The following TIAM2 variants were observed in gnomAD, a reference collection of about 807,000 sequenced individuals.
TIAM2 encodes the protein rho guanine nucleotide exchange factor TIAM2.
Under a neutral mutation model 152.9 loss-of-function variants are expected in TIAM2, and 80 were observed. The ratio of observed to expected loss-of-function variants is 0.52; its 90% confidence interval spans 0.44 to 0.63. TIAM2 has a LOEUF of 0.63. Among genes scored for constraint, TIAM2 ranks in the 30% least tolerant of loss-of-function variants. The probability of loss-of-function intolerance (pLI) is 0.00; values close to 1 mark genes in which losing one functional copy is unlikely to be tolerated. For synonymous variants in TIAM2, 804 were observed against 838.0 expected, an observed-to-expected ratio of 0.96 and a Z score of 0.70; for missense variants, 1,965 against 2,120.1, an observed-to-expected ratio of 0.93 and a Z score of 1.44.
At chr6:155,025,417 G>A (rs569558838) in intron 1 of TIAM2, among the ~76,000 whole-genome samples, 3 of 151,944 alleles carry the variant, frequency 2.0e-5, no homozygotes, top group South Asian at 2.1e-4. Context: ...TCCTGACCTC[G>A]TGATCTGCCC....
chr6:155,221,428 G>T (rs1256756144), intron 15 of TIAM2, among the ~76,000 whole-genome samples: 1 of 152,218 alleles, frequency 6.6e-6, no homozygotes, highest in Non-Finnish European at 1.5e-5. Context: ...GAGCAGAGAT[G>T]CTGATCTTCA....
In TIAM2 at chr6:155,101,912, T is replaced by C. The variant is rs1730914337; in HGVS notation, c.-118+11533T>C. On this transcript the variant is annotated intron_variant, in intron 2 of 26. Transcript: ENST00000682666. ...AGAGATGCGGTTTCACCATGTTGGC[T>C]AGGATGGTCTTGATCTCCTGACCTC... 2.0e-5 allele frequency among the ~76,000 whole-genome samples: 3 copies of C among 152,072 alleles called. No homozygotes were observed. In the South Asian group the frequency reaches 6.2e-4, roughly 31 times the overall value.
At position 155,018,215 on chromosome 6, in the gene TIAM2, G is replaced by A. The variant is rs1014440275; in HGVS notation, c.-209+22723G>A. Among the ~76,000 whole-genome samples, 17 of 138,328 alleles carry A rather than the reference G, an allele frequency of 1.2e-4. 1 individual carries two copies. The highest frequency in any genetic ancestry group is 5.5e-4 in the Admixed American group (7 of 12,752). 90.7% of individuals were successfully genotyped at this position (138,328 alleles called of 152,430 possible). A position where few individuals can be genotyped will look rare whatever the true frequency, so the allele number is the denominator to read the frequency against. On this transcript the variant is annotated intron_variant, in intron 1 of 26. Transcript: ENST00000682666. ...TTCCTGCCACTGCACTCCAGCCTGG[G>A]CAACAGAGTGAGACTGTCTCGAAAA...
chr6:155,178,822 G>A (rs1323526614), intron 10 of TIAM2, among the ~76,000 whole-genome samples: 4 of 152,052 alleles, frequency 2.6e-5, no homozygotes, highest in East Asian at 1.9e-4. Flanking sequence ...TGATCCACCC[G>A]CCTTGGCCTC....
chr6:155,251,842 C>G, intron 22 of TIAM2, 103 bp from the exon 23 acceptor site: 1 of 861,494 alleles, frequency 1.2e-6, no homozygotes, highest in Non-Finnish European at 1.8e-6. Context: ...CTTAGAGACT[C>G]ATACGTTTGG....
In TIAM2 at chr6:155,174,031, G is replaced by A. The variant is rs1313247857; in HGVS notation, c.2362-2785G>A. Among the ~76,000 whole-genome samples the A allele has an allele frequency of 6.6e-6, 1 of 152,210 alleles. No individual in the cohort carries two copies. Among genetic ancestry groups the A allele is most frequent in the Non-Finnish European group, 1.5e-5 (1 of 68,042 alleles). ...TGGGGAATGTTCCCTGAGCCATTCT[G>A]TTCAATGGGAACATGGTGTGTGGCT... On this transcript the variant is annotated intron_variant, in intron 9 of 26. Transcript: ENST00000682666. The surrounding 1 kb of genome is among the most constrained non-coding windows in gnomAD (Gnocchi z 4.2).
chr6:155,168,074 A>G (rs1457430124), intron 9 of TIAM2, among the ~76,000 whole-genome samples: 1 of 152,210 alleles, frequency 6.6e-6, no homozygotes, highest in African/African-American at 2.4e-5. Flanking sequence ...GTCAGTATTT[A>G]TATAACTGAA....
At chr6:155,077,445 T>C (rs550635529) in intron 1 of TIAM2, among the ~76,000 whole-genome samples, 33 of 152,318 alleles carry the variant, frequency 2.2e-4, no homozygotes, top group Non-Finnish European at 4.6e-4. Flanking sequence ...ACGTAAAATT[T>C]ACTCACTCAG....
At position 155,016,900 on chromosome 6, in the gene TIAM2, AAAATAAAAATCAAT is replaced by A. The variant is rs1296073711; in HGVS notation, c.-209+21431_-209+21444del. Among the ~76,000 whole-genome samples, 63 of 152,364 alleles carry A rather than the reference AAAATAAAAATCAAT, an allele frequency of 4.1e-4. No homozygotes were observed. In the Middle Eastern group the frequency reaches 0.014, roughly 33 times the overall value. The stretch of plus-strand genomic sequence containing the variant: ...GGGTGATAGAGCGAGACTCCATCTC[AAAATAAAAATCAAT>A]AAATAAAAATCAATAAATAAAATAA... On this transcript the variant is annotated intron_variant, in intron 1 of 26. Coordinates refer to ENST00000682666, the MANE Select transcript of TIAM2 (RefSeq NM_012454.4).
Position 155,213,254 on chromosome 6 carries a change from C to A in TIAM2, c.3168+1947C>A, listed in dbSNP as rs1468289478. Among the ~76,000 whole-genome samples, 1 of 152,162 alleles carries A rather than the reference C, an allele frequency of 6.6e-6. No individual in the cohort carries two copies. The highest frequency in any genetic ancestry group is 1.5e-5 in the Non-Finnish European group (1 of 68,026). ...GGAGGGTGAGCAAGGTGAAGAGGAG[C>A]TTTATTGAGCTGTAGAACAGCTCAG... On this transcript the variant is annotated intron_variant, in intron 15 of 26. Coordinates refer to ENST00000682666, the MANE Select transcript of TIAM2 (RefSeq NM_012454.4). This position sits in a 1 kb window ranked among gnomAD's most constrained non-coding sequence, Gnocchi z 4.2.
At position 155,214,233 on chromosome 6, in the gene TIAM2, C is replaced by T. The variant is rs911043756; in HGVS notation, c.3168+2926C>T. On this transcript the variant is annotated intron_variant, in intron 15 of 26. Transcript: ENST00000682666. This position sits in a 1 kb window ranked among gnomAD's most constrained non-coding sequence, Gnocchi z 5.4. ...CGCACAGCGCTGGCCGTGCCTCCCC[C>T]GGTGCAGCCGGCATCATCGCAGTGA... Among the ~76,000 whole-genome samples the T allele has an allele frequency of 1.3e-5, 2 of 152,234 alleles. No individual in the cohort carries two copies. Among genetic ancestry groups the T allele is most frequent in the African/African-American group, 2.4e-5 (1 of 41,466 alleles).
chr6:155,026,487 TATC>T (rs1320136876), intron 1 of TIAM2, among the ~76,000 whole-genome samples: 2 of 152,228 alleles, frequency 1.3e-5, no homozygotes, highest in Admixed American at 6.5e-5. Flanking sequence ...CACTGTGGTT[TATC>T]ATCATGTTTC....
intron 2 of TIAM2, among the ~76,000 whole-genome samples, chr6:155,100,050 C>T (rs1224189193): frequency 1.6e-5 from 1 of 61,594 alleles, no homozygotes; most frequent in African/African-American, 5.2e-5. Flanking sequence ...TGCAGTCTGT[C>T]GTCGGCTATT....
intron 14 of TIAM2, among the ~76,000 whole-genome samples, chr6:155,187,573 C>CCCCTT (rs1189509294): frequency 4.0e-5 from 2 of 49,614 alleles, no homozygotes; most frequent in African/African-American, 1.6e-4. Flanking sequence ...ACCCCGCCCC[C>CCCCTT]TTTTTTTTTT....
At chr6:155,003,543 G>C (rs1394872245) in intron 1 of TIAM2, among the ~76,000 whole-genome samples, 2 of 152,146 alleles carry the variant, frequency 1.3e-5, no homozygotes, top group African/African-American at 4.8e-5. Context: ...GAACAGAAAA[G>C]TCAGAGAGGT....
intron 14 of TIAM2, among the ~76,000 whole-genome samples, chr6:155,187,582 T>C (rs1280535440): frequency 7.9e-6 from 1 of 127,182 alleles, no homozygotes; most frequent in East Asian, 2.2e-4. Context: ...CCTTTTTTTT[T>C]TTTTTTTTTT....
intron 15 of TIAM2, among the ~76,000 whole-genome samples, chr6:155,219,889 G>C (rs928495467): frequency 1.1e-4 from 17 of 151,924 alleles, no homozygotes; most frequent in African/African-American, 4.1e-4. Flanking sequence ...AAAAAAAAAA[G>C]AGTGGTATTG....
intron 14 of TIAM2, among the ~76,000 whole-genome samples, chr6:155,192,448 G>A (rs1376496298): frequency 6.6e-6 from 1 of 152,034 alleles, no homozygotes; most frequent in Admixed American, 6.5e-5. Context: ...CTTTCTGGAC[G>A]CTTTACTGTT....
At chr6:155,146,646 A>G (rs904719890) in intron 6 of TIAM2, among the ~76,000 whole-genome samples, 2 of 151,816 alleles carry the variant, frequency 1.3e-5, no homozygotes, top group African/African-American at 2.4e-5. Context: ...CCCAGGCTGG[A>G]GTACAGTGGT....
Sources: allele counts gnomAD v4.1 joint callset (sites outside exome capture counted in the v4.1 genomes callset), GRCh38; gene constraint gnomAD v4.1.1; non-coding constraint Gnocchi (gnomAD v3.1); transcripts MANE v1.5; gene names NCBI Gene and HGNC (gene_info 2026-07-23, HGNC 2026-07-21).